The following GALNTL6 variants were observed in gnomAD, a reference collection of about 807,000 sequenced individuals.
GALNTL6 encodes the protein polypeptide N-acetylgalactosaminyltransferase like 6, also known as polypeptide N-acetylgalactosaminyltransferase-like 6.
A neutral mutation model predicts 73.7 loss-of-function variants in GALNTL6; 46 were observed. The observed-to-expected ratio is 0.62, with a 90% CI of 0.49 to 0.80. GALNTL6 has a LOEUF of 0.80. Ranked by LOEUF, GALNTL6 falls within the 30% of genes least tolerant of loss-of-function variation. GALNTL6 has a pLI of 0.00. For synonymous variants in GALNTL6, 259 were observed against 263.7 expected (o/e 0.98, Z 0.17); for missense variants, 604 against 755.0 (o/e 0.80, Z 2.34).
intron 5 of GALNTL6, among the ~76,000 whole-genome samples, chr4:172,736,684 T>C (rs1443580247): frequency 6.6e-6 from 1 of 152,258 alleles, no homozygotes; most frequent in African/African-American, 2.4e-5. Context: ...ACAATTTATG[T>C]TCAGAGATTG....
chr4:172,074,602 T>C (rs1192419374), intron 2 of GALNTL6, among the ~76,000 whole-genome samples: 1 of 152,088 alleles, frequency 6.6e-6, no homozygotes, highest in Non-Finnish European at 1.5e-5. Context: ...TGACAAAATA[T>C]AGGCTCAGAA....
intron 5 of GALNTL6, among the ~76,000 whole-genome samples, chr4:172,357,393 T>A (rs1321904550): frequency 6.6e-6 from 1 of 151,950 alleles, no homozygotes; most frequent in Non-Finnish European, 1.5e-5. Context: ...CAAGGCACAT[T>A]TGAGATTTCA....
In GALNTL6 at chr4:173,014,721, T is replaced by C. The variant is rs1208161352; in HGVS notation, c.1488+5427T>C. Among the ~76,000 whole-genome samples, 6 of 151,990 alleles carry C rather than the reference T, an allele frequency of 3.9e-5. No individual in the cohort carries two copies. The East Asian group carries it at 1.2e-3, about 29-fold the overall frequency. ...ACATCACAATCCAGACAGAGAAAAA[T>C]ATTTTCTGCTGTCTCAAGTCAGGTA... On this transcript the variant is annotated intron_variant, in intron 11 of 12. Coordinates refer to ENST00000506823, the MANE Select transcript of GALNTL6 (RefSeq NM_001034845.3).
chr4:171,839,938 T>C (rs1274077224), intron 2 of GALNTL6, among the ~76,000 whole-genome samples: 2 of 152,186 alleles, frequency 1.3e-5, no homozygotes, highest in African/African-American at 2.4e-5. Context: ...TTTTCCTCTC[T>C]TCAGGCTCAT....
intron 2 of GALNTL6, among the ~76,000 whole-genome samples, chr4:172,000,194 C>T (rs1740627584): frequency 6.6e-6 from 1 of 152,102 alleles, no homozygotes; most frequent in African/African-American, 2.4e-5. Context: ...TTGTTAAATG[C>T]TCAATGATTA....
At chr4:172,407,515 A>T (rs1391343235) in intron 5 of GALNTL6, among the ~76,000 whole-genome samples, 2 of 152,068 alleles carry the variant, frequency 1.3e-5, no homozygotes, top group African/African-American at 4.8e-5. Flanking sequence ...TCATATATCA[A>T]TGCTTCACTG....
chr4:172,998,014 T>C (rs1751875224), intron 10 of GALNTL6, among the ~76,000 whole-genome samples: 1 of 152,206 alleles, frequency 6.6e-6, no homozygotes, highest in Non-Finnish European at 1.5e-5. Context: ...TGGGCTCTTC[T>C]TTCTCTTGCA....
At chr4:172,065,738 T>C (rs1288949273) in intron 2 of GALNTL6, among the ~76,000 whole-genome samples, 1 of 152,144 alleles carries the variant, frequency 6.6e-6, no homozygotes, top group Non-Finnish European at 1.5e-5. Context: ...AAAAACGGTT[T>C]AATTGATTCA....
At chr4:172,348,076 C>A (rs1444589057) in intron 4 of GALNTL6, among the ~76,000 whole-genome samples, 1 of 152,038 alleles carries the variant, frequency 6.6e-6, no homozygotes, top group Non-Finnish European at 1.5e-5. Context: ...ACTGTCCAGC[C>A]ATTGAAACAC....
intron 5 of GALNTL6, among the ~76,000 whole-genome samples, chr4:172,483,994 G>A (rs1001667634): frequency 7.2e-5 from 11 of 152,158 alleles, no homozygotes; most frequent in Admixed American, 2.6e-4. Flanking sequence ...TGTGTATTTC[G>A]TAGGATCTTC....
chr4:172,643,116 A>AT (rs909321335), intron 5 of GALNTL6, among the ~76,000 whole-genome samples: 28 of 151,776 alleles, frequency 1.8e-4, no homozygotes, highest in African/African-American at 6.8e-4. Flanking sequence ...GTAAAAAAAA[A>AT]ATTACTGCTA....
intron 2 of GALNTL6, among the ~76,000 whole-genome samples, chr4:171,992,402 G>T (rs1050228222): frequency 6.6e-6 from 1 of 151,930 alleles, no homozygotes; most frequent in African/African-American, 2.4e-5. Context: ...CTATATAAAT[G>T]AAAGTCACTT....
At chr4:172,310,846 T>A (rs1740330160) in intron 3 of GALNTL6, among the ~76,000 whole-genome samples, 1 of 151,498 alleles carries the variant, frequency 6.6e-6, no homozygotes, top group Non-Finnish European at 1.5e-5. Flanking sequence ...TTAATCTGAT[T>A]TAATAAAATA....
At chr4:171,916,433 T>C (rs945077885) in intron 2 of GALNTL6, among the ~76,000 whole-genome samples, 1 of 152,168 alleles carries the variant, frequency 6.6e-6, no homozygotes, top group African/African-American at 2.4e-5. Flanking sequence ...AAGGCTTATA[T>C]GTATTCTTTC....
intron 2 of GALNTL6, among the ~76,000 whole-genome samples, chr4:171,818,786 A>T (rs1734600419): frequency 6.6e-6 from 1 of 151,950 alleles, no homozygotes; most frequent in Admixed American, 6.6e-5. Flanking sequence ...TGCTTGACAG[A>T]TATGTGACTT....
chr4:172,461,690 A>T (rs1394033897), intron 5 of GALNTL6, among the ~76,000 whole-genome samples: 2 of 152,216 alleles, frequency 1.3e-5, no homozygotes, highest in Admixed American at 1.3e-4. Context: ...TACTACATAA[A>T]GTATATTCAG....
intron 7 of GALNTL6, among the ~76,000 whole-genome samples, chr4:172,849,196 C>CT (rs1254009408): frequency 6.6e-6 from 1 of 152,144 alleles, no homozygotes; most frequent in Admixed American, 6.6e-5. Context: ...ATATAATCCT[C>CT]TTTTTGTAAA....
At chr4:171,953,254 G>GTGTGTGTGTGTGTGTGTC (rs1395531284) in intron 2 of GALNTL6, among the ~76,000 whole-genome samples, 1 of 151,926 alleles carries the variant, frequency 6.6e-6, no homozygotes, top group East Asian at 1.9e-4. Context: ...GTGTGTGTGT[G>GTGTGTGTGTGTGTGTGTC]TGTGTGTGTG....
At chr4:172,309,844 A>G (rs1043368959) in intron 3 of GALNTL6, among the ~76,000 whole-genome samples, 2 of 152,148 alleles carry the variant, frequency 1.3e-5, no homozygotes, top group African/African-American at 4.8e-5. Flanking sequence ...GGATACTACA[A>G]ACAATACAAT....
Sources: gnomAD v4.1 joint callset for allele counts (sites outside exome capture counted in the v4.1 genomes callset) on GRCh38, gnomAD v4.1.1 for gene constraint, MANE v1.5 for transcripts, NCBI Gene and HGNC (gene_info 2026-07-23, HGNC 2026-07-21) for gene names.